Variants in KDM6A observed in about 807,000 individuals in gnomAD.
The protein encoded by KDM6A is lysine-specific demethylase 6A.
KDM6A carries 11 observed loss-of-function variants against 117.6 expected under a neutral mutation model. That is an observed-to-expected ratio of 0.09 (90% CI 0.06 to 0.15). KDM6A has a LOEUF of 0.15. Among genes scored for constraint, KDM6A ranks in the 10% least tolerant of loss-of-function variants. The pLI is 1.00. For synonymous variants in KDM6A, 384 were observed against 396.1 expected (o/e 0.97, Z 0.36); for missense variants, 799 against 1,077.3 (o/e 0.74, Z 3.62).
chrX:44,910,414 C>G (rs2035018373), intron 2 of KDM6A, among the ~76,000 whole-genome samples: 1 of 110,484 alleles, frequency 9.1e-6, no homozygotes, highest in African/African-American at 3.3e-5. Flanking sequence ...GTCTGGAACT[C>G]CTGACCTCAA....
chrX:44,937,296 G>T, intron 2 of KDM6A, among the ~76,000 whole-genome samples: 1 of 111,186 alleles, frequency 9.0e-6, no homozygotes. Flanking sequence ...GAAGGAACAG[G>T]AGAGTTATAG....
rs1331812769 is a variant in KDM6A, at chrX:44,921,644, C to T, written c.226-39640C>T. Among the ~76,000 whole-genome samples, 10 of 111,437 alleles carry T rather than the reference C, an allele frequency of 9.0e-5. No homozygotes were observed. The Admixed American group carries it at 9.6e-4, about 11-fold the overall frequency. ...CCAAATTACTGTGTATATTAGTAGT[C>T]TGCTCTTATTGCTGAGTTATATTCT... is the stretch of plus-strand genomic sequence containing the variant. On this transcript the variant is annotated intron_variant, in intron 2 of 29. Transcript: ENST00000611820.
At chrX:44,980,979 C>G (rs1487001558) in intron 4 of KDM6A, among the ~76,000 whole-genome samples, 11 of 110,058 alleles carry the variant, frequency 1.0e-4, no homozygotes, top group Admixed American at 9.8e-4. Flanking sequence ...AGGGCTCTTC[C>G]CTCTTCCCCC....
At chrX:44,930,673 G>C (rs1037509690) in intron 2 of KDM6A, among the ~76,000 whole-genome samples, 1 of 112,139 alleles carries the variant, frequency 8.9e-6, no homozygotes, top group East Asian at 2.8e-4. Flanking sequence ...GTATGAAATA[G>C]TGTTAATTAA....
chrX:45,003,345 A>G (rs757498915), intron 4 of KDM6A, among the ~76,000 whole-genome samples: 1 of 110,164 alleles, frequency 9.1e-6, no homozygotes, highest in Non-Finnish European at 1.9e-5. Flanking sequence ...CCTGTTAGGA[A>G]ACCTGCTGGG....
chrX:44,942,473 G>A (rs1197740220), intron 2 of KDM6A, among the ~76,000 whole-genome samples: 1 of 110,788 alleles, frequency 9.0e-6, no homozygotes, highest in Admixed American at 9.7e-5. Context: ...CTGTGTGTTT[G>A]TCTTTTCACG....
chrX:44,937,247 G>A (rs1287536324), intron 2 of KDM6A, among the ~76,000 whole-genome samples: 1 of 111,140 alleles, frequency 9.0e-6, no homozygotes, highest in Non-Finnish European at 1.9e-5. Context: ...AACATAAATT[G>A]TAATATTTTT....
intron 18 of KDM6A, among the ~76,000 whole-genome samples, chrX:45,075,960 G>C (rs1035213657): frequency 9.0e-6 from 1 of 111,082 alleles, no homozygotes; most frequent in Admixed American, 9.6e-5. Flanking sequence ...ATTATTTCTT[G>C]TTGATTTTCT....
intron 4 of KDM6A, among the ~76,000 whole-genome samples, chrX:44,986,279 G>A (rs1334761989): frequency 2.7e-5 from 3 of 111,084 alleles, no homozygotes; most frequent in South Asian, 3.7e-4. Flanking sequence ...TTTTTATTGC[G>A]TCTATTTGAT....
chrX:45,084,148 A>G (rs2045549336), intron 24 of KDM6A, among the ~76,000 whole-genome samples: 1 of 112,057 alleles, frequency 8.9e-6, no homozygotes, highest in Admixed American at 9.5e-5. Context: ...ACTCATTCTA[A>G]TAACTAGTCT....
chrX:45,011,669 T>C (rs2041762493), intron 5 of KDM6A, among the ~76,000 whole-genome samples: 1 of 112,407 alleles, frequency 8.9e-6, no homozygotes, highest in Non-Finnish European at 1.9e-5. Context: ...CATATAGTTT[T>C]AGTTGAAAGA....
chrX:45,020,868 CAG>C (rs1414442779), intron 6 of KDM6A, 138 bp downstream of exon 6: 6 of 656,090 alleles, frequency 9.1e-6, no homozygotes, highest in Non-Finnish European at 1.4e-5. Flanking sequence ...ATTCAGGTGA[CAG>C]AACTGTTTAT....
intron 8 of KDM6A, among the ~76,000 whole-genome samples, chrX:45,041,100 C>T (rs1355591245): frequency 1.1e-4 from 8 of 70,410 alleles, no homozygotes; most frequent in East Asian, 4.9e-4. Context: ...ACCTCCCGGA[C>T]GGGGTGGCTG....
Position 44,940,337 on chromosome X carries a change from A to C in KDM6A, c.226-20947A>C, listed in dbSNP as rs138631173. Among the ~76,000 whole-genome samples, 917 of 111,647 alleles carry C rather than the reference A, an allele frequency of 8.2e-3. 4 individuals are homozygous for C. Among genetic ancestry groups the C allele is most frequent in the Non-Finnish European group, 0.013 (670 of 53,152 alleles). ...CCAAAGTGCTGGGATTACAGCCATG[A>C]GCCACCATGCCTGGCTGATGTCAAC... On this transcript the variant is annotated intron_variant, in intron 2 of 29. Transcript: ENST00000611820.
chrX:44,919,304 G>A (rs2035754290), intron 2 of KDM6A, among the ~76,000 whole-genome samples: 1 of 111,320 alleles, frequency 9.0e-6, no homozygotes. Flanking sequence ...CTTCTTGGCT[G>A]ACATTTTCTC....
rs1395763576 is a variant in KDM6A, at chrX:45,088,897, ATTGT to A, written c.3705-839_3705-836del. 3.6e-4 allele frequency among the ~76,000 whole-genome samples: 40 copies of A among 112,412 alleles called. No homozygotes were observed. In the Admixed American group the frequency reaches 3.7e-3, roughly 10 times the overall value. Reference sequence around the variant, plus strand: ...TCATGATTATTTGTGCATGTGCGTGATTGTTTGTTTTTGCTGAAGTTGTTTTGAA... The same window carrying A: ...TCATGATTATTTGTGCATGTGCGTGATTGTTTTTGCTGAAGTTGTTTTGAA... On this transcript the variant is annotated intron_variant, in intron 25 of 29. Transcript: ENST00000611820.
intron 17 of KDM6A, among the ~76,000 whole-genome samples, chrX:45,067,653 G>GTTTTTTTTTTTTTTTTTTTTT (rs1192862756): frequency 1.2e-5 from 1 of 83,304 alleles, no homozygotes; most frequent in African/African-American, 4.7e-5. Flanking sequence ...TCTTTTTTTT[G>GTTTTTTTTTTTTTTTTTTTTT]TTTTTTTTTT....
chrX:45,017,837 C>G (rs998277592), intron 5 of KDM6A, among the ~76,000 whole-genome samples: 1 of 111,848 alleles, frequency 8.9e-6, no homozygotes, highest in South Asian at 3.7e-4. Context: ...ATGATTTGAT[C>G]GTAAAGTAGA....
At chrX:44,963,537 C>T (rs890627010) in intron 3 of KDM6A, among the ~76,000 whole-genome samples, 5 of 91,905 alleles carry the variant, frequency 5.4e-5, no homozygotes, top group African/African-American at 1.9e-4. Context: ...CTCTGTGTCT[C>T]TTTTTTAAAG....
Sources: gnomAD v4.1 joint callset for allele counts (sites outside exome capture counted in the v4.1 genomes callset) on GRCh38, gnomAD v4.1.1 for gene constraint, MANE v1.5 for transcripts, NCBI Gene and HGNC (gene_info 2026-07-23, HGNC 2026-07-21) for gene names.